The following FGF12 variants were observed in gnomAD, a reference collection of about 807,000 sequenced individuals.
FGF12 encodes the protein fibroblast growth factor 12B.
A neutral mutation model predicts 23.6 loss-of-function variants in FGF12; 14 were observed. That is an observed-to-expected ratio of 0.59 (90% CI 0.39 to 0.93). The LOEUF (loss-of-function observed/expected upper bound fraction) is 0.93. FGF12 is among the 40% of genes least tolerant of loss of function. The pLI is 0.00. For missense variants in FGF12, 175 were observed against 217.8 expected (o/e 0.80, Z 1.24); for synonymous variants, 62 against 77.3 (o/e 0.80, Z 1.04).
rs5855441 is a variant in FGF12 at position 192,621,690 on chromosome 3, C to CAAAAAAAAAAAAAAAA, written c.13+105475_13+105490dup. On this transcript the variant is annotated intron_variant, in intron 2 of 5. Coordinates refer to ENST00000445105, the MANE Select transcript of FGF12 (RefSeq NM_004113.6). ...CAATATCTTAGGCAAGATACAAATA[C>CAAAAAAAAAAAAAAAA]AAAAAAAAAAAAAAAAAAAAGGAAC... Among the ~76,000 whole-genome samples the CAAAAAAAAAAAAAAAA allele has an allele frequency of 2.1e-4, 20 of 94,220 alleles. 1 individual carries two copies. Among genetic ancestry groups the CAAAAAAAAAAAAAAAA allele is most frequent in the African/African-American group, 3.2e-4 (8 of 24,772 alleles). The allele number at this position is 94,220 out of a possible 152,430, so 61.8% of individuals were successfully genotyped here.
At chr3:192,426,662 T>C (rs1239766021) in intron 2 of FGF12, among the ~76,000 whole-genome samples, 1 of 152,132 alleles carries the variant, frequency 6.6e-6, no homozygotes, top group Non-Finnish European at 1.5e-5. Flanking sequence ...AAAAGTGTAA[T>C]ACAAAAGAAA....
intron 2 of FGF12, among the ~76,000 whole-genome samples, chr3:192,489,474 A>G (rs78172772): frequency 0.062 from 9,445 of 152,122 alleles, 1,015 homozygotes; most frequent in African/African-American, 0.22. Flanking sequence ...TTTCTTCAGA[A>G]CAACAATGTG....
At chr3:192,524,635 A>G (rs1724898989) in intron 2 of FGF12, among the ~76,000 whole-genome samples, 1 of 152,232 alleles carries the variant, frequency 6.6e-6, no homozygotes, top group Non-Finnish European at 1.5e-5. Flanking sequence ...TCACAAGTGT[A>G]CGTATGTATA....
intron 2 of FGF12, among the ~76,000 whole-genome samples, chr3:192,400,069 T>C (rs1720693616): frequency 6.6e-6 from 1 of 152,184 alleles, no homozygotes; most frequent in African/African-American, 2.4e-5. Context: ...CCATCCATGG[T>C]TGGTGAATCT....
At chr3:192,205,245 C>A (rs866098011) in intron 4 of FGF12, among the ~76,000 whole-genome samples, 1 of 152,154 alleles carries the variant, frequency 6.6e-6, no homozygotes, top group Admixed American at 6.5e-5. Context: ...AAATATTCAA[C>A]CTTATCCACC....
chr3:192,724,216 A>G (rs1719138752), intron 2 of FGF12, among the ~76,000 whole-genome samples: 1 of 152,170 alleles, frequency 6.6e-6, no homozygotes, highest in Non-Finnish European at 1.5e-5. Flanking sequence ...GTACTTTGTC[A>G]AAATTCTAAT....
rs151223511 is a variant in FGF12, at chr3:192,572,877, A to C, written c.13+154304T>G. ...TACAATGAGAAATAGGAGCCATTTC[A>C]TGGTCATCCTCATAGTTTTTCCAAC... On this transcript the variant is annotated intron_variant, in intron 2 of 5. Transcript: ENST00000445105. 2.0e-3 allele frequency among the ~76,000 whole-genome samples: 306 copies of C among 152,320 alleles called. 1 individual carries two copies. Among genetic ancestry groups the C allele is most frequent in the African/African-American group, 7.1e-3 (295 of 41,566 alleles).
intron 2 of FGF12, among the ~76,000 whole-genome samples, chr3:192,382,077 A>G (rs1576931729): frequency 6.6e-6 from 1 of 151,958 alleles, no homozygotes; most frequent in Admixed American, 6.6e-5. Context: ...GCCCACTGCA[A>G]CCTCCACCTT....
intron 5 of FGF12, among the ~76,000 whole-genome samples, chr3:192,167,731 G>GGATATATATATATA (rs1715249845): frequency 4.0e-5 from 1 of 25,044 alleles, no homozygotes; most frequent in Non-Finnish European, 6.2e-5. Context: ...TAGGTTATAG[G>GGATATATATATATA]TATATATATA....
chr3:192,139,989 T>TA lies in FGF12; in HGVS notation c.*4019dup, dbSNP rs1302787689. Reference sequence around the variant, plus strand: ...ATTTCCTGTGCATCACAAGGGGGATTAAAAATCACCAAAGTACTGAAGGAA... The same window carrying TA: ...ATTTCCTGTGCATCACAAGGGGGATTAAAAAATCACCAAAGTACTGAAGGAA... On this transcript the variant is annotated 3_prime_UTR_variant, in exon 6 of 6. Coordinates refer to ENST00000445105, the MANE Select transcript of FGF12 (RefSeq NM_004113.6). 1.3e-5 allele frequency: 2 copies of TA among 152,082 alleles called. No individual in the cohort carries two copies. The highest frequency in any genetic ancestry group is 6.6e-5 in the Admixed American group (1 of 15,264). 9.4% of individuals were successfully genotyped at this position (152,082 alleles called of 1,614,324 possible).
intron 2 of FGF12, among the ~76,000 whole-genome samples, chr3:192,695,207 A>G (rs1332037633): frequency 6.6e-6 from 1 of 152,204 alleles, no homozygotes; most frequent in East Asian, 1.9e-4. Flanking sequence ...TATTCAACAC[A>G]TTATTTGCTA....
chr3:192,714,513 A>ATTTTTTTTTTGTT (rs1718796642), intron 2 of FGF12, among the ~76,000 whole-genome samples: 1 of 99,738 alleles, frequency 1.0e-5, no homozygotes, highest in Admixed American at 1.2e-4. Flanking sequence ...TAAGGAAATA[A>ATTTTTTTTTTGTT]TTTTTTTTTT....
intron 2 of FGF12, among the ~76,000 whole-genome samples, chr3:192,383,519 TAA>T (rs71841026): frequency 0.015 from 2,199 of 142,880 alleles, 38 homozygotes; most frequent in African/African-American, 0.042. Context: ...GATTCTGATT[TAA>T]AAAAAAAAAA....
At chr3:192,424,087 A>AC (rs1721619739) in intron 2 of FGF12, among the ~76,000 whole-genome samples, 2 of 36,998 alleles carry the variant, frequency 5.4e-5, no homozygotes, top group Admixed American at 6.2e-4. Context: ...TAAAGTCTTC[A>AC]AAAAAAAAAA....
chr3:192,534,015 A>T (rs1461744118), intron 2 of FGF12: 2 of 161,632 alleles, frequency 1.2e-5, no homozygotes, highest in Non-Finnish European at 2.8e-5. Context: ...TTCATATCAG[A>T]TGGGTAATGT....
chr3:192,378,372 A>C (rs1015477870), intron 2 of FGF12, among the ~76,000 whole-genome samples: 2 of 146,362 alleles, frequency 1.4e-5, no homozygotes, highest in African/African-American at 5.5e-5. Context: ...CAGCCTCCCA[A>C]AGTGCTGGGA....
intron 2 of FGF12, among the ~76,000 whole-genome samples, chr3:192,646,838 G>A (rs6765708): frequency 0.58 from 88,027 of 151,904 alleles, 25,867 homozygotes; most frequent in East Asian, 0.67. Context: ...TACGTTGTAT[G>A]TTTTAAATGG....
chr3:192,572,983 G>T (rs1339559353), intron 2 of FGF12, among the ~76,000 whole-genome samples: 1 of 152,158 alleles, frequency 6.6e-6, no homozygotes, highest in African/African-American at 2.4e-5. Context: ...GAAGGGTGAT[G>T]ACATGACTCT....
At chr3:192,494,642 C>T (rs1269131196) in intron 2 of FGF12, among the ~76,000 whole-genome samples, 1 of 152,104 alleles carries the variant, frequency 6.6e-6, no homozygotes, top group African/African-American at 2.4e-5. Flanking sequence ...TCCTTCCCAC[C>T]TGCAAATGCT....
Sources: gnomAD v4.1 joint callset for allele counts (sites outside exome capture counted in the v4.1 genomes callset) on GRCh38, gnomAD v4.1.1 for gene constraint, MANE v1.5 for transcripts, NCBI Gene and HGNC (gene_info 2026-07-23, HGNC 2026-07-21) for gene names.